The following ALG9 variants were observed in gnomAD, a reference collection of about 807,000 sequenced individuals.
The protein encoded by ALG9 is alpha-1,2-mannosyltransferase ALG9.
In ALG9, 55 loss-of-function variants were observed where a neutral mutation model predicts 81.8. That is an observed-to-expected ratio of 0.67 (90% CI 0.54 to 0.84). ALG9 has a LOEUF of 0.84. ALG9 is among the 40% of genes least tolerant of loss of function. ALG9 has a pLI of 0.00. For missense variants in ALG9, 629 were observed against 745.0 expected, an observed-to-expected ratio of 0.84 and a Z score of 1.81; for synonymous variants, 278 against 274.3, an observed-to-expected ratio of 1.01 and a Z score of -0.13.
chr11:111,788,098 C>T (rs1459887868), intron 14 of ALG9, among the ~76,000 whole-genome samples: 1 of 152,234 alleles, frequency 6.6e-6, no homozygotes, highest in Admixed American at 6.5e-5. Flanking sequence ...GGCCTAGTTA[C>T]TGCCATCCTG....
At chr11:111,852,349 T>G (rs554536428) in intron 8 of ALG9, among the ~76,000 whole-genome samples, 1 of 152,328 alleles carries the variant, frequency 6.6e-6, no homozygotes, top group East Asian at 1.9e-4. Context: ...CCCCCATTAC[T>G]GTAACTAACG....
intron 1 of ALG9, 134 bp from the exon 2 acceptor site, chr11:111,870,504 G>C (rs1963991054): frequency 1.7e-6 from 2 of 1,188,488 alleles, no homozygotes; most frequent in South Asian, 3.5e-5. Context: ...CACCTAAAAA[G>C]GTGAATAGCT....
At chr11:111,817,151 C>T (rs191435435) in intron 13 of ALG9, 1 of 152,110 alleles carries the variant, frequency 6.6e-6, no homozygotes, top group Non-Finnish European at 1.5e-5. Context: ...AATGGAGGAT[C>T]CAAAGGAAGA....
At chr11:111,840,918 C>A in intron 9 of ALG9, 109 bp from the exon 10 acceptor site, 1 of 1,309,482 alleles carries the variant, frequency 7.6e-7, no homozygotes, top group Non-Finnish European at 1.1e-6. Flanking sequence ...TAGGACACTC[C>A]ATAGAATGTT....
rs1946249413 is a variant in ALG9 at position 111,784,369 on chromosome 11, ACTT to A, written c.*2025_*2027del. 6.6e-6 allele frequency: 1 copy of A among 152,172 alleles called. No homozygotes were observed. The highest frequency in any genetic ancestry group is 2.1e-4 in the South Asian group (1 of 4,834). The allele number at this position is 152,172 out of a possible 1,614,324, so 9.4% of individuals were successfully genotyped here. On this transcript the variant is annotated 3_prime_UTR_variant, in exon 15 of 15. Coordinates refer to ENST00000616540, the MANE Select transcript of ALG9 (RefSeq NM_024740.2). ...GTAACTAGCCATTTCTTCTGTTATC[ACTT>A]CTTTTCTTCTCTCTTGGCACCAGTT...
At chr11:111,781,775 G>A (rs1418877311), downstream of ALG9, among the ~76,000 whole-genome samples, 1 of 152,154 alleles carries the variant, frequency 6.6e-6, no homozygotes, top group African/African-American at 2.4e-5. Context: ...AGCCTCCCAA[G>A]TAGCTGGGAT....
intron 14 of ALG9, chr11:111,805,085 AACACTC>A (rs1298747786): frequency 6.0e-6 from 2 of 335,434 alleles, no homozygotes; most frequent in Non-Finnish European, 1.2e-5. Flanking sequence ...TTGAAGTCTA[AACACTC>A]ACCTATGTGA....
intron 9 of ALG9, among the ~76,000 whole-genome samples, chr11:111,841,179 A>G (rs892729857): frequency 2.0e-5 from 3 of 152,254 alleles, no homozygotes; most frequent in Non-Finnish European, 2.9e-5. Flanking sequence ...TTTAACCAAA[A>G]GCATAACATA....
At chr11:111,808,409 G>A (rs1950234759) in intron 14 of ALG9, among the ~76,000 whole-genome samples, 1 of 152,156 alleles carries the variant, frequency 6.6e-6, no homozygotes, top group African/African-American at 2.4e-5. Context: ...TAGTGACCTG[G>A]TATGCAGGTC....
the ALG9 span, among the ~76,000 whole-genome samples, chr11:111,776,793 T>C: frequency 3.3e-5 from 5 of 152,170 alleles, no homozygotes; most frequent in African/African-American, 1.2e-4. Flanking sequence ...GTCTAGGTGG[T>C]TACCCTACAC....
chr11:111,808,251 T>A (rs981233309), intron 14 of ALG9, among the ~76,000 whole-genome samples: 2 of 152,154 alleles, frequency 1.3e-5, no homozygotes, highest in African/African-American at 4.8e-5. Context: ...GGTGCCTCTT[T>A]ACTGCCCTCC....
intron 14 of ALG9, among the ~76,000 whole-genome samples, chr11:111,795,853 G>A (rs1483599503): frequency 2.0e-5 from 3 of 152,192 alleles, no homozygotes; most frequent in Admixed American, 6.5e-5. Context: ...GCCATTTTCT[G>A]ACCTCAGTCC....
chr11:111,870,488 G>A (rs1963987188), intron 1 of ALG9, 118 bp from the exon 2 acceptor site: 1 of 1,282,262 alleles, frequency 7.8e-7, no homozygotes, highest in Admixed American at 3.5e-5. Flanking sequence ...AAGCACTTAA[G>A]TTATTCACCT....
intron 7 of ALG9, 66 bp downstream of exon 7, chr11:111,853,583 C>A: frequency 6.4e-7 from 1 of 1,571,502 alleles, no homozygotes; most frequent in South Asian, 1.1e-5. Flanking sequence ...CCTGATGTTC[C>A]TTTTTTCACA....
At chr11:111,813,755 C>A (rs963952852) in intron 13 of ALG9, among the ~76,000 whole-genome samples, 3 of 152,026 alleles carry the variant, frequency 2.0e-5, no homozygotes, top group Admixed American at 2.0e-4. Context: ...ATGCGTTCAA[C>A]CTCATTAGTA....
chr11:111,814,183 G>C (rs1555094629), intron 13 of ALG9, among the ~76,000 whole-genome samples: 1 of 152,126 alleles, frequency 6.6e-6, no homozygotes, highest in East Asian at 1.9e-4. Flanking sequence ...ATATTAATAA[G>C]AGAGAACAAA....
chr11:111,837,916 T>C (rs1413163543), intron 11 of ALG9, among the ~76,000 whole-genome samples: 2 of 152,180 alleles, frequency 1.3e-5, no homozygotes, highest in African/African-American at 4.8e-5. Flanking sequence ...ATCCAAACAA[T>C]GATTATAAGA....
intron 13 of ALG9, among the ~76,000 whole-genome samples, chr11:111,814,161 T>G (rs1951140536): frequency 6.6e-6 from 1 of 152,098 alleles, no homozygotes; most frequent in African/African-American, 2.4e-5. Context: ...TGTGGTAAAG[T>G]CATACAATGA....
intron 8 of ALG9, among the ~76,000 whole-genome samples, chr11:111,850,789 T>C (rs977645148): frequency 5.3e-5 from 8 of 150,184 alleles, no homozygotes; most frequent in Non-Finnish European, 1.0e-4. Context: ...AATCCTGCCA[T>C]CAAGGAACAA....
Sources: allele counts gnomAD v4.1 joint callset (sites outside exome capture counted in the v4.1 genomes callset), GRCh38; gene constraint gnomAD v4.1.1; transcripts MANE v1.5; gene names NCBI Gene and HGNC (gene_info 2026-07-23, HGNC 2026-07-21).